BAZ1A: variants seen among roughly 807,000 people sequenced by gnomAD.
The protein encoded by BAZ1A is bromodomain adjacent to zinc finger domain 1A.
A neutral mutation model predicts 185.2 loss-of-function variants in BAZ1A; 50 were observed. That is an observed-to-expected ratio of 0.27 (90% CI 0.22 to 0.34). BAZ1A has a LOEUF of 0.34. BAZ1A is among the 10% of genes least tolerant of loss of function. The probability of loss-of-function intolerance (pLI) is 1.00; values close to 1 mark genes in which losing one functional copy is unlikely to be tolerated. For synonymous variants in BAZ1A, 571 were observed against 615.6 expected (o/e 0.93, Z 1.07); for missense variants, 1,356 against 1,839.9 (o/e 0.74, Z 4.81).
At position 34,807,474 on chromosome 14, in the gene BAZ1A, G is replaced by C; in HGVS notation, c.703C>G (p.Gln235Glu). ...KLFLKQHCEP[Q>E]DGVIKIKASS... Reference sequence around the variant, plus strand: ...ACCTTTATTTTAATGACTCCATCTTGTGGTTCACAGTGTTGCTTCAGAAAA... The same window carrying C: ...ACCTTTATTTTAATGACTCCATCTTCTGGTTCACAGTGTTGCTTCAGAAAA... Residue 235 changes from glutamine (Q) to glutamate (E), a missense_variant, in exon 6 of 27, where the codon CAA becomes GAA. By Grantham distance (29) the Gln-to-Glu change is conservative. Around this residue, in one of 7 missense-constraint regions of BAZ1A, gnomAD observed 332 missense variants for 395.3 expected, o/e 0.84. Transcript: ENST00000360310. The C allele has an allele frequency of 6.2e-7, 1 of 1,610,282 alleles. No individual in the cohort carries two copies. The highest frequency in any genetic ancestry group is 1.3e-5 in the African/African-American group (1 of 74,824).
chr14:34,816,124 G>A (rs2042003622), intron 4 of BAZ1A, among the ~76,000 whole-genome samples: 1 of 112,270 alleles, frequency 8.9e-6, no homozygotes, highest in Non-Finnish European at 1.6e-5. Flanking sequence ...GTCTCGCTCT[G>A]TCACCCAGGC....
chr14:34,862,836 T>TA (rs2042791221), intron 2 of BAZ1A, among the ~76,000 whole-genome samples: 1 of 151,524 alleles, frequency 6.6e-6, no homozygotes, highest in African/African-American at 2.4e-5. Context: ...AAGGTACCTA[T>TA]AGAAGCATAG....
intron 3 of BAZ1A, among the ~76,000 whole-genome samples, chr14:34,856,289 CTT>C (rs10707416): frequency 4.5e-4 from 60 of 134,454 alleles, no homozygotes; most frequent in Admixed American, 8.4e-4. Context: ...TCAAGAGCAT[CTT>C]TTTTTTTTTT....
chr14:34,780,124 T>C (rs1879938592), intron 17 of BAZ1A, 62 bp downstream of exon 17: 1 of 1,587,186 alleles, frequency 6.3e-7, no homozygotes, highest in Admixed American at 1.8e-5. Flanking sequence ...GCTGAATTAA[T>C]AAAGTGCTTT....
Position 34,833,506 on chromosome 14 carries a change from C to A in BAZ1A, c.393-7350G>T, listed in dbSNP as rs147782109. Reference sequence around the variant, plus strand: ...TCACACCACTGCACTCCAGCTTGTGCGACAGAGCGAGACTCCATCTCACAA... The same window carrying A: ...TCACACCACTGCACTCCAGCTTGTGAGACAGAGCGAGACTCCATCTCACAA... On this transcript the variant is annotated intron_variant, in intron 3 of 26. Transcript: ENST00000360310. 1.1e-3 allele frequency among the ~76,000 whole-genome samples: 172 copies of A among 152,080 alleles called. 2 individuals carry two copies. In the East Asian group the frequency reaches 0.031, roughly 27 times the overall value.
intron 20 of BAZ1A, 81 bp from the exon 21 acceptor site, chr14:34,771,740 C>T (rs1165695144): frequency 1.6e-6 from 2 of 1,289,106 alleles, no homozygotes; most frequent in East Asian, 2.4e-5. Flanking sequence ...GGTTCAAATG[C>T]TTATTTATAC....
chr14:34,865,088 T>C (rs375127664), intron 2 of BAZ1A, among the ~76,000 whole-genome samples: 39 of 152,078 alleles, frequency 2.6e-4, no homozygotes, highest in East Asian at 1.9e-3. Context: ...TATAATTTTT[T>C]TTAAGTGTAA....
chr14:34,856,272 AC>A (rs1322605539), intron 3 of BAZ1A, among the ~76,000 whole-genome samples: 1 of 150,240 alleles, frequency 6.7e-6, no homozygotes, highest in African/African-American at 2.4e-5. Flanking sequence ...CTCTCTCTTA[AC>A]TGAACTCAAG....
chr14:34,785,106 T>A (rs1880352477), intron 14 of BAZ1A, among the ~76,000 whole-genome samples: 1 of 152,224 alleles, frequency 6.6e-6, no homozygotes, highest in South Asian at 2.1e-4. Flanking sequence ...TCTGCCCACC[T>A]TGGCCTCCCA....
At chr14:34,809,531 T>G (rs1047782536) in intron 5 of BAZ1A, among the ~76,000 whole-genome samples, 1 of 152,206 alleles carries the variant, frequency 6.6e-6, no homozygotes, top group African/African-American at 2.4e-5. Flanking sequence ...ATATCAAGTC[T>G]TCTTCTTTAT....
In BAZ1A at chr14:34,862,216, C is replaced by T; in HGVS notation, c.220G>A (p.Ala74Thr). ...GGAAAACTCTGAAGATTCTGTCTTG[C>T]TTTTTTTTCTGACTCAAGTGCTTCC... ...YQEALESEKK[A>T]RQNLQSFPEP... Residue 74 changes from alanine to threonine, a missense_variant, in exon 3 of 27, where the codon GCA becomes ACA. Ala to Thr is a moderately conservative substitution (Grantham distance 58, BLOSUM62 0). Coordinates refer to ENST00000360310, the MANE Select transcript of BAZ1A (RefSeq NM_013448.3). 1.2e-6 allele frequency: 2 copies of T among 1,613,898 alleles called. No homozygotes were observed. Among genetic ancestry groups the T allele is most frequent in the Non-Finnish European group, 1.7e-6 (2 of 1,179,972 alleles).
chr14:34,832,215 C>CACACACATATATAT, intron 3 of BAZ1A, among the ~76,000 whole-genome samples: 76 of 89,694 alleles, frequency 8.5e-4, no homozygotes, highest in African/African-American at 2.5e-3. Context: ...CACACACACA[C>CACACACATATATAT]ATATATATAT....
chr14:34,874,665 A>C lies in BAZ1A; in HGVS notation c.-58-3T>G. 12 of 1,396,536 alleles carry C rather than the reference A, an allele frequency of 8.6e-6. No individual in the cohort carries two copies. The highest frequency in any genetic ancestry group is 9.9e-6 in the Non-Finnish European group (10 of 1,013,126). The allele number at this position is 1,396,536 out of a possible 1,614,324, so 86.5% of individuals were successfully genotyped here. ...CCGCCCGCGCCGGCCCCGCTTCCCTATCAAAATTGGAGGGAAAGGAAAGCC... is the reference window on the plus strand; with the variant it reads ...CCGCCCGCGCCGGCCCCGCTTCCCTCTCAAAATTGGAGGGAAAGGAAAGCC... On this transcript the variant is annotated splice_region_variant and splice_polypyrimidine_tract_variant and intron_variant, in intron 1 of 26. Coordinates refer to ENST00000360310, the MANE Select transcript of BAZ1A (RefSeq NM_013448.3). This position sits in a 1 kb window ranked among gnomAD's most constrained non-coding sequence, Gnocchi z 4.7.
intron 5 of BAZ1A, among the ~76,000 whole-genome samples, chr14:34,810,136 C>T (rs564133450): frequency 2.6e-5 from 4 of 151,994 alleles, no homozygotes; most frequent in African/African-American, 9.7e-5. Context: ...ATATATGGAA[C>T]AAAAGGGATG....
chr14:34,823,525 T>C (rs916992884), intron 4 of BAZ1A, among the ~76,000 whole-genome samples: 2 of 152,030 alleles, frequency 1.3e-5, no homozygotes, highest in Non-Finnish European at 2.9e-5. Context: ...CTGGGCGTGG[T>C]GGCACATGCC....
chr14:34,767,606 TC>T (rs1470452724), intron 21 of BAZ1A, among the ~76,000 whole-genome samples: 1 of 152,148 alleles, frequency 6.6e-6, no homozygotes, highest in East Asian at 1.9e-4. Context: ...GATTTATTTC[TC>T]CCCTGTCATT....
chr14:34,833,885 A>T (rs1050696326), intron 3 of BAZ1A, among the ~76,000 whole-genome samples: 1 of 150,966 alleles, frequency 6.6e-6, no homozygotes, highest in Non-Finnish European at 1.5e-5. Context: ...TTACTAAAAT[A>T]AAAAAAACAA....
Position 34,758,697 on chromosome 14 carries a change from T to C in BAZ1A, c.4386+7A>G. The C allele has an allele frequency of 6.2e-7, 1 of 1,613,644 alleles. No individual in the cohort carries two copies. The highest frequency in any genetic ancestry group is 8.5e-7 in the Non-Finnish European group (1 of 1,179,668). ...CAGGAATACATTTTATCAAGTCTAGTAATTACCTGGATTTTAGAAACAAGT... is the reference window on the plus strand; with the variant it reads ...CAGGAATACATTTTATCAAGTCTAGCAATTACCTGGATTTTAGAAACAAGT... On this transcript the variant is annotated splice_region_variant and intron_variant, in intron 25 of 26. Transcript: ENST00000360310.
chr14:34,777,121 C>T (rs1208411162), intron 17 of BAZ1A, among the ~76,000 whole-genome samples: 1 of 152,214 alleles, frequency 6.6e-6, no homozygotes, highest in Non-Finnish European at 1.5e-5. Flanking sequence ...GGAGGAATAA[C>T]AGCAAACTAC....
Sources: gnomAD v4.1 joint callset for allele counts (sites outside exome capture counted in the v4.1 genomes callset) on GRCh38, gnomAD v4.1.1 for gene constraint, gnomAD v4.1.1 regional missense constraint, Gnocchi (gnomAD v3.1) non-coding constraint, MANE v1.5 for transcripts, NCBI Gene and HGNC (gene_info 2026-07-23, HGNC 2026-07-21) for gene names.